RAB27A: variants seen among roughly 807,000 people sequenced by gnomAD.
The protein encoded by RAB27A is ras-related protein Rab-27A.
In RAB27A, 17 loss-of-function variants were observed where a neutral mutation model predicts 20.8. The observed-to-expected ratio is 0.82, with a 90% CI of 0.56 to 1.23. The LOEUF is 1.23. Among genes scored for constraint, RAB27A ranks in the 50% most tolerant of loss-of-function variants. The pLI is 0.00. For synonymous variants in RAB27A, 85 were observed against 92.8 expected (o/e 0.92, Z 0.48); for missense variants, 277 against 266.7 (o/e 1.04, Z -0.27).
chr15:55,267,011 G>A (rs1897515109), intron 2 of RAB27A, among the ~76,000 whole-genome samples: 2 of 152,206 alleles, frequency 1.3e-5, no homozygotes, highest in African/African-American at 4.8e-5. Context: ...GAACAAAAAT[G>A]TAAGGAGCAG....
chr15:55,221,794 C>T (rs1218517786), intron 6 of RAB27A, among the ~76,000 whole-genome samples: 1 of 152,128 alleles, frequency 6.6e-6, no homozygotes, highest in African/African-American at 2.4e-5. Context: ...GCAACTAGAC[C>T]TGCACCTGGG....
intron 3 of RAB27A, 89 bp from the exon 4 acceptor site, chr15:55,230,575 G>T: frequency 9.4e-7 from 1 of 1,059,318 alleles, no homozygotes. Context: ...AATCCCAAAG[G>T]CATCTAAAAT....
rs1194550481 is a variant in RAB27A at position 55,204,357 on chromosome 15, A to C, written c.*1150T>G. 1.3e-5 allele frequency: 2 copies of C among 152,248 alleles called. No individual in the cohort carries two copies. The highest frequency in any genetic ancestry group is 4.8e-5 in the African/African-American group (2 of 41,476). The allele number at this position is 152,248 out of a possible 1,614,324, so 9.4% of individuals were successfully genotyped here. Reference sequence around the variant, plus strand: ...AGTACAGTAAATGCTCATGAGCTCTATGAAAAATATAGGCTACAGAATACT... The same window carrying C: ...AGTACAGTAAATGCTCATGAGCTCTCTGAAAAATATAGGCTACAGAATACT... On this transcript the variant is annotated 3_prime_UTR_variant, in exon 7 of 7. Coordinates refer to ENST00000336787, the MANE Select transcript of RAB27A (RefSeq NM_183235.3).
intron 2 of RAB27A, among the ~76,000 whole-genome samples, chr15:55,239,719 C>A (rs1317912543): frequency 6.6e-6 from 1 of 152,084 alleles, no homozygotes; most frequent in Admixed American, 6.6e-5. Context: ...TGGAGGCTGT[C>A]TAGAGTTTGT....
chr15:55,204,877 TAAAA>T lies in RAB27A; in HGVS notation c.*626_*629del, dbSNP rs996684304. The T allele has an allele frequency of 1.3e-5, 2 of 153,366 alleles. No homozygotes were observed. The highest frequency in any genetic ancestry group is 4.8e-5 in the African/African-American group (2 of 41,432). 9.5% of individuals were successfully genotyped at this position (153,366 alleles called of 1,614,324 possible). A position where few individuals can be genotyped will look rare whatever the true frequency, so the allele number is the denominator to read the frequency against. ...CCCACCCCAATCCCCTTCCCACCAA[TAAAA>T]AAGTCACCGTGAGTGTATAATTGGT... On this transcript the variant is annotated 3_prime_UTR_variant, in exon 7 of 7. Coordinates refer to ENST00000336787, the MANE Select transcript of RAB27A (RefSeq NM_183235.3).
chr15:55,217,934 A>G (rs1895391915), intron 6 of RAB27A, among the ~76,000 whole-genome samples: 1 of 152,188 alleles, frequency 6.6e-6, no homozygotes, highest in Non-Finnish European at 1.5e-5. Flanking sequence ...TTTTAAAATA[A>G]AAAATTTAAG....
Position 55,260,684 on chromosome 15 carries a change from T to A in RAB27A, c.-23+9481A>T, listed in dbSNP as rs149278036. Among the ~76,000 whole-genome samples the A allele has an allele frequency of 6.5e-4, 99 of 152,250 alleles. 1 individual carries two copies. The highest frequency in any genetic ancestry group is 5.2e-3 in the Admixed American group (79 of 15,294). On this transcript the variant is annotated intron_variant, in intron 2 of 6. Transcript: ENST00000336787. ...CATATTACTAACTGAAAGAAGCCAA[T>A]CTGTATGATTCCAACTATGTGGCAT...
Position 55,206,304 on chromosome 15 carries a change from G to C in RAB27A, c.468-599C>G, listed in dbSNP as rs1894647886. 4 of 774,796 alleles carry C rather than the reference G, an allele frequency of 5.2e-6. No individual in the cohort carries two copies. The South Asian group carries it at 2.4e-4, about 46-fold the overall frequency. 48.0% of individuals were successfully genotyped at this position (774,796 alleles called of 1,614,324 possible). A position where few individuals can be genotyped will look rare whatever the true frequency, so the allele number is the denominator to read the frequency against. On this transcript the variant is annotated intron_variant, in intron 6 of 6. Transcript: ENST00000336787. Reference sequence around the variant, plus strand: ...AAAATTTATAAAAAGATATAAGTAGGGGATTCTGGAAGACAGAGACAGAAT... The same window carrying C: ...AAAATTTATAAAAAGATATAAGTAGCGGATTCTGGAAGACAGAGACAGAAT...
intron 2 of RAB27A, among the ~76,000 whole-genome samples, chr15:55,305,658 T>C (rs565616674): frequency 2.0e-5 from 3 of 152,322 alleles, no homozygotes; most frequent in South Asian, 4.1e-4. Flanking sequence ...CAATTCCAGA[T>C]TGATTAACAT....
chr15:55,294,964 T>C (rs2054942537), intron 2 of RAB27A, among the ~76,000 whole-genome samples: 1 of 152,116 alleles, frequency 6.6e-6, no homozygotes, highest in Non-Finnish European at 1.5e-5. Context: ...AGTATCAGAA[T>C]ATATAAAGAG....
intron 2 of RAB27A, among the ~76,000 whole-genome samples, chr15:55,254,500 T>A (rs1566922708): frequency 6.6e-6 from 1 of 152,112 alleles, no homozygotes; most frequent in Admixed American, 6.5e-5. Context: ...TTATAATTTT[T>A]AATTAATTTG....
intron 2 of RAB27A, among the ~76,000 whole-genome samples, chr15:55,254,251 C>T (rs748297135): frequency 7.2e-5 from 11 of 152,024 alleles, no homozygotes; most frequent in Non-Finnish European, 1.3e-4. Flanking sequence ...TAATGACATT[C>T]CTTTTAAGTT....
intron 1 of RAB27A, among the ~76,000 whole-genome samples, chr15:55,275,102 T>A (rs1187265568): frequency 6.6e-6 from 1 of 150,516 alleles, no homozygotes; most frequent in Non-Finnish European, 1.5e-5. Context: ...AATACAAACA[T>A]TAACTGGGGC....
At chr15:55,312,777 A>C (rs957607983) in intron 2 of RAB27A, among the ~76,000 whole-genome samples, 1 of 152,228 alleles carries the variant, frequency 6.6e-6, no homozygotes, top group Non-Finnish European at 1.5e-5. Flanking sequence ...AAATGTATTA[A>C]CATTATGTAT....
chr15:55,234,666 T>A (rs954991533), intron 3 of RAB27A, 116 bp downstream of exon 3: 5 of 1,150,880 alleles, frequency 4.3e-6, no homozygotes, highest in Non-Finnish European at 6.4e-6. Context: ...CTTTCATATG[T>A]ACCTTTAATT....
At chr15:55,313,230 A>G (rs1260220104) in intron 2 of RAB27A, among the ~76,000 whole-genome samples, 1 of 152,246 alleles carries the variant, frequency 6.6e-6, no homozygotes, top group Non-Finnish European at 1.5e-5. Flanking sequence ...AGACTAGGCC[A>G]CAGAGTGAGA....
At chr15:55,256,031 T>C (rs991197349) in intron 2 of RAB27A, among the ~76,000 whole-genome samples, 2 of 152,156 alleles carry the variant, frequency 1.3e-5, no homozygotes, top group Non-Finnish European at 1.5e-5. Flanking sequence ...AAAGGGTACA[T>C]TATGTGAAAT....
intron 6 of RAB27A, among the ~76,000 whole-genome samples, chr15:55,210,025 T>C (rs920801725): frequency 4.9e-5 from 7 of 143,090 alleles, no homozygotes; most frequent in Non-Finnish European, 9.2e-5. Flanking sequence ...TATATACGCA[T>C]ATATATGTGT....
At chr15:55,304,773 C>T (rs894090484) in intron 2 of RAB27A, among the ~76,000 whole-genome samples, 8 of 151,998 alleles carry the variant, frequency 5.3e-5, no homozygotes, top group African/African-American at 1.9e-4. Context: ...TGGGTTTTTT[C>T]CACTTTTTGG....
Sources: gnomAD v4.1 joint callset for allele counts (sites outside exome capture counted in the v4.1 genomes callset) on GRCh38, gnomAD v4.1.1 for gene constraint, MANE v1.5 for transcripts, NCBI Gene and HGNC (gene_info 2026-07-23, HGNC 2026-07-21) for gene names.